Variants in NLGN1 observed in about 807,000 individuals in gnomAD.
The protein encoded by NLGN1 is neuroligin 1.
NLGN1 carries 12 observed loss-of-function variants against 65.5 expected under a neutral mutation model. The observed-to-expected ratio is 0.18, with a 90% CI of 0.12 to 0.30. The LOEUF (loss-of-function observed/expected upper bound fraction) is 0.30, where lower values mean the gene tolerates loss of function less well. Ranked by LOEUF, NLGN1 falls within the 10% of genes least tolerant of loss-of-function variation. The pLI is 1.00. For synonymous variants in NLGN1, 350 were observed against 359.5 expected, an observed-to-expected ratio of 0.97 and a Z score of 0.30; for missense variants, 750 against 1,007.1, an observed-to-expected ratio of 0.74 and a Z score of 3.46.
At position 173,415,504 on chromosome 3, in the gene NLGN1, A is replaced by C. The variant is rs138805133; in HGVS notation, c.-390+17017A>C. ...ATTGAAGTTGGATGATGTAGATATA[A>C]GTTGACATAGGTAAGTTTTGACTTT... On this transcript the variant is annotated intron_variant, in intron 1 of 6. Coordinates refer to ENST00000457714, the Ensembl canonical transcript of NLGN1. Among the ~76,000 whole-genome samples the C allele has an allele frequency of 9.3e-3, 1,414 of 152,328 alleles. 24 individuals are homozygous for C. The highest frequency in any genetic ancestry group is 0.032 in the African/African-American group (1,333 of 41,570).
rs544505942 is a variant in NLGN1, at chr3:174,079,712, A to G, written c.647-195603A>G. On this transcript the variant is annotated intron_variant, in intron 4 of 6. Transcript: ENST00000457714. ...ATGGAACAGTATGTAGCTATAAAAA[A>G]GAATGAGATTATGTCCTTTGCAGGA... 7.5e-3 allele frequency among the ~76,000 whole-genome samples: 1,150 copies of G among 152,360 alleles called. 13 individuals are homozygous for G. The highest frequency in any genetic ancestry group is 0.027 in the African/African-American group (1,119 of 41,586).
At chr3:173,983,361 A>C (rs538532422) in intron 4 of NLGN1, among the ~76,000 whole-genome samples, 1 of 152,306 alleles carries the variant, frequency 6.6e-6, no homozygotes, top group South Asian at 2.1e-4. Flanking sequence ...ATGGGCTGTA[A>C]GTAAAGGAGT....
intron 3 of NLGN1, among the ~76,000 whole-genome samples, chr3:173,780,293 A>G (rs1276271213): frequency 6.6e-6 from 1 of 152,238 alleles, no homozygotes; most frequent in African/African-American, 2.4e-5. Flanking sequence ...ATATATAAAT[A>G]CATGCATACA....
At chr3:173,659,868 C>G (rs1225814177) in intron 3 of NLGN1, among the ~76,000 whole-genome samples, 2 of 151,696 alleles carry the variant, frequency 1.3e-5, no homozygotes, top group African/African-American at 4.8e-5. Flanking sequence ...GTTTTTGGTT[C>G]TATGTTTTGT....
At chr3:174,060,940 A>T (rs1737268065) in intron 4 of NLGN1, among the ~76,000 whole-genome samples, 1 of 152,044 alleles carries the variant, frequency 6.6e-6, no homozygotes, top group Non-Finnish European at 1.5e-5. Flanking sequence ...CTCTTAAAAA[A>T]GGTTTGTTGA....
rs73880353 is a variant in NLGN1 at position 174,123,438 on chromosome 3, A to G, written c.647-151877A>G. Among the ~76,000 whole-genome samples, 984 of 152,222 alleles carry G rather than the reference A, an allele frequency of 6.5e-3. 13 individuals are homozygous for G. Among genetic ancestry groups the G allele is most frequent in the African/African-American group, 0.022 (924 of 41,532 alleles). On this transcript the variant is annotated intron_variant, in intron 4 of 6. Transcript: ENST00000457714. ...TTGTTTACCTTTTGTTTTGTTTACA[A>G]TTCTGCCTTGGGGTTTCTTCCCTGG...
intron 2 of NLGN1, among the ~76,000 whole-genome samples, chr3:173,489,562 T>C: frequency 6.6e-6 from 1 of 152,130 alleles, no homozygotes; most frequent in African/African-American, 2.4e-5. Flanking sequence ...CATGTGTCTT[T>C]ATAGCAGCAT....
Position 174,031,722 on chromosome 3 carries a change from G to A in NLGN1, c.646+223890G>A, listed in dbSNP as rs111324466. On this transcript the variant is annotated intron_variant, in intron 4 of 6. Transcript: ENST00000457714. ...AGAAAGAACAGTAATAATGATAGTC[G>A]TAGAAATAGAGAATTGAGAAAATGT... Among the ~76,000 whole-genome samples the A allele has an allele frequency of 2.4e-3, 358 of 152,098 alleles. 2 individuals are homozygous for A. Among genetic ancestry groups the A allele is most frequent in the African/African-American group, 8.1e-3 (335 of 41,534 alleles).
At chr3:173,947,517 A>G (rs1187347806) in intron 4 of NLGN1, among the ~76,000 whole-genome samples, 1 of 152,220 alleles carries the variant, frequency 6.6e-6, no homozygotes, top group Middle Eastern at 3.2e-3. Context: ...CTCTCAATAC[A>G]TATTAACCGT....
rs547081133 is a variant in NLGN1 at position 174,010,303 on chromosome 3, A to G, written c.646+202471A>G. On this transcript the variant is annotated intron_variant, in intron 4 of 6. Coordinates refer to ENST00000457714, the Ensembl canonical transcript of NLGN1. ...GTAGGTCTGTCTAATGTAGCTTGTA[A>G]TTTGCCAATTGCATGTAAATTATTT... is the stretch of plus-strand genomic sequence containing the variant. Among the ~76,000 whole-genome samples, 4 of 152,298 alleles carry G rather than the reference A, an allele frequency of 2.6e-5. No individual in the cohort carries two copies. The South Asian group carries it at 6.2e-4, about 24-fold the overall frequency.
At position 174,170,738 on chromosome 3, in the gene NLGN1, T is replaced by C. The variant is rs377203480; in HGVS notation, c.647-104577T>C. On this transcript the variant is annotated intron_variant, in intron 4 of 6. Coordinates refer to ENST00000457714, the Ensembl canonical transcript of NLGN1. ...TGACCACAATGAATATAATATTCCATAAAATAATGAAGAGATTTTTAGATC... is the reference window on the plus strand; with the variant it reads ...TGACCACAATGAATATAATATTCCACAAAATAATGAAGAGATTTTTAGATC... Among the ~76,000 whole-genome samples the C allele has an allele frequency of 4.6e-5, 7 of 152,170 alleles. No homozygotes were observed. In the East Asian group the frequency reaches 9.6e-4, roughly 21 times the overall value.
intron 4 of NLGN1, among the ~76,000 whole-genome samples, chr3:174,023,401 A>G (rs1319167363): frequency 1.3e-5 from 2 of 152,192 alleles, no homozygotes; most frequent in Admixed American, 1.3e-4. Context: ...TGGTAGTCAT[A>G]GGAACTCCCT....
intron 2 of NLGN1, among the ~76,000 whole-genome samples, chr3:173,445,267 CAAAAAAAAAAAAA>C (rs60140480): frequency 1.9e-5 from 2 of 103,508 alleles, no homozygotes; most frequent in Non-Finnish European, 1.9e-5. Flanking sequence ...GACTCCGTCT[CAAAAAAAAAAAAA>C]AAAAAAAAAA....
intron 4 of NLGN1, among the ~76,000 whole-genome samples, chr3:174,154,338 A>G (rs1724933045): frequency 6.6e-6 from 1 of 152,028 alleles, no homozygotes; most frequent in East Asian, 1.9e-4. Flanking sequence ...AAAAAATAAG[A>G]TTGCATTTCC....
At chr3:173,976,136 T>G (rs1221440106) in intron 4 of NLGN1, among the ~76,000 whole-genome samples, 2 of 152,104 alleles carry the variant, frequency 1.3e-5, no homozygotes, top group South Asian at 2.1e-4. Flanking sequence ...ATTACGTTAT[T>G]CAACTATGTT....
chr3:174,225,589 G>A (rs1186668123), intron 4 of NLGN1, among the ~76,000 whole-genome samples: 1 of 152,118 alleles, frequency 6.6e-6, no homozygotes, highest in African/African-American at 2.4e-5. Context: ...AAATTCTCTG[G>A]GCGTGGTGGC....
At chr3:174,152,029 T>C (rs1359081722) in intron 4 of NLGN1, among the ~76,000 whole-genome samples, 1 of 152,168 alleles carries the variant, frequency 6.6e-6, no homozygotes, top group African/African-American at 2.4e-5. Context: ...GCGTATCTGT[T>C]CTAATATCAG....
intron 4 of NLGN1, among the ~76,000 whole-genome samples, chr3:173,890,097 G>T (rs1299888723): frequency 6.6e-6 from 1 of 151,906 alleles, no homozygotes; most frequent in Non-Finnish European, 1.5e-5. Flanking sequence ...ATCCCATTTA[G>T]CTGTTAAGAG....
intron 1 of NLGN1, among the ~76,000 whole-genome samples, chr3:173,432,205 A>T (rs543129744): frequency 6.6e-6 from 1 of 152,348 alleles, no homozygotes; most frequent in African/African-American, 2.4e-5. Context: ...GCAGGTTTCT[A>T]TATGGACGTA....
Sources: allele counts gnomAD v4.1 joint callset (sites outside exome capture counted in the v4.1 genomes callset), GRCh38; gene constraint gnomAD v4.1.1; transcripts MANE v1.5; gene names NCBI Gene and HGNC (gene_info 2026-07-23, HGNC 2026-07-21).